The following FOXN3 variants were observed in gnomAD, a reference collection of about 807,000 sequenced individuals.
FOXN3 encodes the protein forkhead box N3, also known as forkhead box protein N3.
In FOXN3, 7 loss-of-function variants were observed where a neutral mutation model predicts 38.4. The observed-to-expected ratio is 0.18, with a 90% CI of 0.10 to 0.34. FOXN3 has a LOEUF of 0.34. Ranked by LOEUF, FOXN3 falls within the 10% of genes least tolerant of loss-of-function variation. The pLI is 1.00. For synonymous variants in FOXN3, 230 were observed against 242.2 expected (o/e 0.95, Z 0.47); for missense variants, 456 against 613.4 (o/e 0.74, Z 2.71).
intron 2 of FOXN3, among the ~76,000 whole-genome samples, chr14:89,395,824 G>T (rs537482882): frequency 1.3e-5 from 2 of 152,090 alleles, no homozygotes; most frequent in South Asian, 2.1e-4. Context: ...GGAGGGGGGG[G>T]AGTTTCAAAG....
intron 2 of FOXN3, among the ~76,000 whole-genome samples, chr14:89,363,199 C>T (rs1889946131): frequency 6.6e-6 from 1 of 152,122 alleles, no homozygotes; most frequent in Admixed American, 6.5e-5. Flanking sequence ...CTCCAGCTCC[C>T]ACCTGGGCTA....
In FOXN3 at chr14:89,441,544, C is replaced by T. The variant is rs187348347; in HGVS notation, c.-14-29054G>A. ...GCTGATCATTACAGGCGCTCTTAAT[C>T]ACTTTTAGGGTCTAGGCTCTGCCCC... is the stretch of plus-strand genomic sequence containing the variant. On this transcript the variant is annotated intron_variant, in intron 1 of 6. Transcript: ENST00000345097. 1.4e-3 allele frequency among the ~76,000 whole-genome samples: 209 copies of T among 152,264 alleles called. 1 individual carries two copies. The highest frequency in any genetic ancestry group is 4.6e-3 in the South Asian group (22 of 4,826).
At chr14:89,531,095 CACATATATA>C (rs1359046301) in intron 1 of FOXN3, among the ~76,000 whole-genome samples, 1 of 147,700 alleles carries the variant, frequency 6.8e-6, no homozygotes, top group African/African-American at 2.5e-5. Flanking sequence ...TATATACACA[CACATATATA>C]ATATACACAC....
At chr14:89,313,170 T>C (rs1288068213) in intron 3 of FOXN3, among the ~76,000 whole-genome samples, 1 of 152,024 alleles carries the variant, frequency 6.6e-6, no homozygotes, top group Non-Finnish European at 1.5e-5. Flanking sequence ...AGGCATAACA[T>C]AAAGAAATGG....
intron 2 of FOXN3, chr14:89,364,717 T>C (rs574611744): frequency 2.6e-5 from 4 of 152,254 alleles, no homozygotes; most frequent in South Asian, 2.1e-4. Flanking sequence ...GTGTCACTTA[T>C]GTGATATTCA....
At chr14:89,470,545 A>C (rs1893072545) in intron 1 of FOXN3, among the ~76,000 whole-genome samples, 1 of 152,208 alleles carries the variant, frequency 6.6e-6, no homozygotes, top group Non-Finnish European at 1.5e-5. Flanking sequence ...TCTACTTAAA[A>C]TTTAGTGCAT....
chr14:89,339,022 CAG>C (rs1396438373), intron 3 of FOXN3, among the ~76,000 whole-genome samples: 1 of 152,174 alleles, frequency 6.6e-6, no homozygotes, highest in Non-Finnish European at 1.5e-5. Flanking sequence ...GTTTTTGAGA[CAG>C]AGTTTCACTC....
chr14:89,309,593 G>C (rs902246023), intron 3 of FOXN3, among the ~76,000 whole-genome samples: 14 of 152,204 alleles, frequency 9.2e-5, no homozygotes, highest in Non-Finnish European at 1.9e-4. Flanking sequence ...AGGCTGAGGG[G>C]GAGATGCACT....
At chr14:89,584,135 A>G (rs1342258809) in intron 1 of FOXN3, among the ~76,000 whole-genome samples, 1 of 151,306 alleles carries the variant, frequency 6.6e-6, no homozygotes, top group African/African-American at 2.4e-5. Context: ...CTGGGATTAC[A>G]GGTATGAGCC....
intron 4 of FOXN3, among the ~76,000 whole-genome samples, chr14:89,182,642 T>C (rs1168341638): frequency 1.3e-5 from 2 of 152,232 alleles, no homozygotes; most frequent in Admixed American, 1.3e-4. Context: ...CGAATTATCA[T>C]GTCTTACACA....
intron 3 of FOXN3, among the ~76,000 whole-genome samples, chr14:89,327,500 T>C (rs1271195901): frequency 6.6e-6 from 1 of 152,200 alleles, no homozygotes; most frequent in Non-Finnish European, 1.5e-5. Context: ...AATGGATTTA[T>C]ACAAATCCAC....
At chr14:89,562,155 T>C (rs549193317) in intron 1 of FOXN3, among the ~76,000 whole-genome samples, 1 of 152,236 alleles carries the variant, frequency 6.6e-6, no homozygotes, top group Non-Finnish European at 1.5e-5. Context: ...TGGGTACGTG[T>C]GTACACAGAT....
intron 3 of FOXN3, among the ~76,000 whole-genome samples, chr14:89,325,552 T>A (rs1471355709): frequency 6.6e-6 from 1 of 152,164 alleles, no homozygotes; most frequent in African/African-American, 2.4e-5. Flanking sequence ...ACCCTCTTTG[T>A]TAAAGGGAAA....
rs1889739944 is a variant in FOXN3, at chr14:89,362,035, AG to A, written c.544-11228del. Among the ~76,000 whole-genome samples the A allele has an allele frequency of 1.4e-3, 2 of 1,460 alleles. 1 individual carries two copies. The highest frequency in any genetic ancestry group is 2.5e-3 in the Non-Finnish European group (2 of 792). 1.0% of individuals were successfully genotyped at this position (1,460 alleles called of 152,430 possible). ...CACCACCTCCACCACTACCACCTCCAGCACCACCACCTCCACCACCACCTCC... is the reference window on the plus strand; with the variant it reads ...CACCACCTCCACCACTACCACCTCCACACCACCACCTCCACCACCACCTCC... On this transcript the variant is annotated intron_variant, in intron 2 of 5. Transcript: ENST00000557258.
intron 3 of FOXN3, among the ~76,000 whole-genome samples, chr14:89,312,143 G>T (rs1271513211): frequency 1.3e-5 from 2 of 151,740 alleles, no homozygotes; most frequent in Non-Finnish European, 2.9e-5. Flanking sequence ...AAAGTAGCTG[G>T]GTGTGGTGGC....
chr14:89,617,976 T>C (rs1566719973), intron 1 of FOXN3, among the ~76,000 whole-genome samples: 1 of 152,120 alleles, frequency 6.6e-6, no homozygotes, highest in Non-Finnish European at 1.5e-5. Flanking sequence ...CGAGCTGCTC[T>C]CCTCTCCAAG....
At chr14:89,234,787 G>A (rs1297251001) in intron 4 of FOXN3, among the ~76,000 whole-genome samples, 1 of 150,334 alleles carries the variant, frequency 6.7e-6, no homozygotes, top group East Asian at 2.0e-4. Context: ...TCTCTCCCCA[G>A]TCGAGCCCTA....
intron 3 of FOXN3, among the ~76,000 whole-genome samples, chr14:89,294,083 C>T (rs1344117211): frequency 1.3e-5 from 2 of 152,186 alleles, no homozygotes; most frequent in Non-Finnish European, 2.9e-5. Context: ...GGGGCCCACC[C>T]GTTCTTCCCA....
At chr14:89,219,340 C>CAG (rs889562998) in intron 4 of FOXN3, among the ~76,000 whole-genome samples, 1 of 152,204 alleles carries the variant, frequency 6.6e-6, no homozygotes, top group Non-Finnish European at 1.5e-5. Context: ...CTGAACCCTC[C>CAG]AGCCATGTGG....
Sources: gnomAD v4.1 joint callset for allele counts (sites outside exome capture counted in the v4.1 genomes callset) on GRCh38, gnomAD v4.1.1 for gene constraint, MANE v1.5 for transcripts, NCBI Gene and HGNC (gene_info 2026-07-23, HGNC 2026-07-21) for gene names.